The following NEDD4L variants were observed in gnomAD, a reference collection of about 807,000 sequenced individuals.
NEDD4L encodes the protein E3 ubiquitin-protein ligase NEDD4-like.
NEDD4L carries 54 observed loss-of-function variants against 148.9 expected under a neutral mutation model. That is an observed-to-expected ratio of 0.36 (90% CI 0.29 to 0.45). The LOEUF (loss-of-function observed/expected upper bound fraction) is 0.45, where lower values mean the gene tolerates loss of function less well. Ranked by LOEUF, NEDD4L falls within the 20% of genes least tolerant of loss-of-function variation. The pLI is 1.00. For missense variants in NEDD4L, 856 were observed against 1,233.8 expected (o/e 0.69, Z 4.59); for synonymous variants, 433 against 440.7 (o/e 0.98, Z 0.22).
rs138661221 is a variant in NEDD4L, at chr18:58,341,537, A to G, written c.1258-141A>G. On this transcript the variant is annotated intron_variant, in intron 14 of 30. Transcript: ENST00000400345. ...TTTCCCCATCCTTTCCCCCATCATT[A>G]TGTTTAATTATTTCCTCCACGCTTT... 4.9e-4 allele frequency: 410 copies of G among 844,616 alleles called. 3 individuals carry two copies. The East Asian group carries it at 0.011, about 22-fold the overall frequency. 52.3% of individuals were successfully genotyped at this position (844,616 alleles called of 1,614,324 possible).
chr18:58,123,458 T>C (rs2030380998), intron 1 of NEDD4L, among the ~76,000 whole-genome samples: 1 of 152,182 alleles, frequency 6.6e-6, no homozygotes, highest in Admixed American at 6.5e-5. Flanking sequence ...GGGACTTTGC[T>C]GTAGCCTGAA....
chr18:58,045,012 TC>T, intron 1 of NEDD4L: 1 of 413,448 alleles, frequency 2.4e-6, no homozygotes, highest in Non-Finnish European at 4.3e-6. Flanking sequence ...TCTTCCCTCT[TC>T]CTCTCCAAGC....
intron 1 of NEDD4L, among the ~76,000 whole-genome samples, chr18:58,047,770 T>G (rs1173671322): frequency 1.3e-5 from 2 of 152,242 alleles, no homozygotes; most frequent in East Asian, 3.8e-4. Context: ...GACTAGTTTC[T>G]GCATCTGGCT....
At chr18:58,059,206 C>G (rs539344682) in intron 1 of NEDD4L, among the ~76,000 whole-genome samples, 1 of 152,062 alleles carries the variant, frequency 6.6e-6, no homozygotes. Flanking sequence ...AGGGATGACA[C>G]GTGTGAGCCA....
chr18:58,278,235 T>C (rs1378656511), intron 5 of NEDD4L, among the ~76,000 whole-genome samples: 1 of 152,254 alleles, frequency 6.6e-6, no homozygotes, highest in Admixed American at 6.5e-5. Context: ...CAGTGTATGA[T>C]GTGGTCTGTT....
At chr18:58,131,789 A>G (rs970490639) in intron 1 of NEDD4L, among the ~76,000 whole-genome samples, 3 of 151,890 alleles carry the variant, frequency 2.0e-5, no homozygotes, top group African/African-American at 7.3e-5. Flanking sequence ...GTGCGCTTCA[A>G]AGTTGGATTT....
At position 58,386,340 on chromosome 18, in the gene NEDD4L, C is replaced by T. The variant is rs549979109; in HGVS notation, c.2487+754C>T. Among the ~76,000 whole-genome samples, 9 of 152,320 alleles carry T rather than the reference C, an allele frequency of 5.9e-5. No homozygotes were observed. The South Asian group carries it at 6.2e-4, about 11-fold the overall frequency. Reference sequence around the variant, plus strand: ...TGCTGGGATTACAGGCATGAGCCGCCGCGCCCAGCCATGGACATTTTTTTT... The same window carrying T: ...TGCTGGGATTACAGGCATGAGCCGCTGCGCCCAGCCATGGACATTTTTTTT... On this transcript the variant is annotated intron_variant, in intron 26 of 30. Transcript: ENST00000400345.
At chr18:58,231,237 C>CAAAAAAAAA in intron 2 of NEDD4L, among the ~76,000 whole-genome samples, 1 of 90,174 alleles carries the variant, frequency 1.1e-5, no homozygotes, top group Non-Finnish European at 2.3e-5. Flanking sequence ...GACCCTATCT[C>CAAAAAAAAA]AAAAAAAAAA....
intron 1 of NEDD4L, among the ~76,000 whole-genome samples, chr18:58,161,341 T>C (rs2036182563): frequency 6.6e-6 from 1 of 152,166 alleles, no homozygotes; most frequent in African/African-American, 2.4e-5. Flanking sequence ...GGTTTGTTTT[T>C]CTTATGACAA....
intron 2 of NEDD4L, among the ~76,000 whole-genome samples, chr18:58,190,853 T>C (rs1422175513): frequency 1.3e-5 from 2 of 152,224 alleles, no homozygotes; most frequent in African/African-American, 4.8e-5. Flanking sequence ...AGGCTGGGTA[T>C]GGTGGCTTAC....
rs114394276 is a variant in NEDD4L, at chr18:58,224,044, G to C, written c.123-21383G>C. Among the ~76,000 whole-genome samples, 1,120 of 152,318 alleles carry C rather than the reference G, an allele frequency of 7.4e-3. 16 individuals are homozygous for C. Among genetic ancestry groups the C allele is most frequent in the African/African-American group, 0.025 (1,022 of 41,564 alleles). On this transcript the variant is annotated intron_variant, in intron 2 of 30. Coordinates refer to ENST00000400345, the MANE Select transcript of NEDD4L (RefSeq NM_001144967.3). Reference sequence around the variant, plus strand: ...AGGACTTGGGCGCTTCCTGCCAAGAGCCCCCTGCCCTTCAGACTAAGTGGA... The same window carrying C: ...AGGACTTGGGCGCTTCCTGCCAAGACCCCCCTGCCCTTCAGACTAAGTGGA...
intron 1 of NEDD4L, among the ~76,000 whole-genome samples, chr18:58,075,354 T>C (rs1237510806): frequency 6.6e-6 from 1 of 152,162 alleles, no homozygotes; most frequent in Non-Finnish European, 1.5e-5. Context: ...GGTTTCTCCA[T>C]GTTGTCCAGG....
intron 2 of NEDD4L, among the ~76,000 whole-genome samples, chr18:58,177,291 G>C (rs2038283790): frequency 6.6e-6 from 1 of 152,158 alleles, no homozygotes; most frequent in African/African-American, 2.4e-5. Context: ...AAGAGTGTAA[G>C]AAGCTCAAGT....
chr18:58,287,368 A>G (rs2054088038), intron 5 of NEDD4L, among the ~76,000 whole-genome samples: 1 of 152,178 alleles, frequency 6.6e-6, no homozygotes, highest in Non-Finnish European at 1.5e-5. Flanking sequence ...TACATCCACA[A>G]GAAGAAAGAT....
intron 2 of NEDD4L, among the ~76,000 whole-genome samples, chr18:58,234,102 TTTTCTTTTCTTTTCTTTTCC>T (rs1568442991): frequency 1.0e-4 from 8 of 76,958 alleles, no homozygotes; most frequent in Admixed American, 1.3e-4. Flanking sequence ...TCTTTCTTTC[TTTTCTTTTCTTTTCTTTTCC>T]TTCTTTTTTT....
intron 5 of NEDD4L, among the ~76,000 whole-genome samples, chr18:58,302,637 A>G (rs1568628451): frequency 6.6e-6 from 1 of 152,236 alleles, no homozygotes; most frequent in East Asian, 1.9e-4. Flanking sequence ...GCTTAATAAC[A>G]TTCAATAGTA....
chr18:58,236,601 G>T (rs575824926), intron 2 of NEDD4L, among the ~76,000 whole-genome samples: 1 of 152,290 alleles, frequency 6.6e-6, no homozygotes, highest in East Asian at 1.9e-4. Flanking sequence ...CCTTGCCAAG[G>T]TTGTTGTAGG....
At chr18:58,068,447 C>A (rs891486819) in intron 1 of NEDD4L, among the ~76,000 whole-genome samples, 1 of 152,142 alleles carries the variant, frequency 6.6e-6, no homozygotes, top group Non-Finnish European at 1.5e-5. Flanking sequence ...GATCCACCTG[C>A]CTCGGCCTCC....
intron 5 of NEDD4L, among the ~76,000 whole-genome samples, chr18:58,304,872 T>C (rs1023116816): frequency 2.0e-5 from 3 of 152,234 alleles, no homozygotes; most frequent in Non-Finnish European, 2.9e-5. Flanking sequence ...AAGATCACAT[T>C]CTCTGGTTCT....
Sources: gnomAD v4.1 joint callset for allele counts (sites outside exome capture counted in the v4.1 genomes callset) on GRCh38, gnomAD v4.1.1 for gene constraint, MANE v1.5 for transcripts, NCBI Gene and HGNC (gene_info 2026-07-23, HGNC 2026-07-21) for gene names.